Variants in STAM observed in about 807,000 individuals in gnomAD.
The protein encoded by STAM is signal transducing adapter molecule 1.
STAM carries 16 observed loss-of-function variants against 63.4 expected under a neutral mutation model. The ratio of observed to expected loss-of-function variants is 0.25; its 90% confidence interval spans 0.17 to 0.38. STAM has a LOEUF of 0.38. Ranked by LOEUF, STAM falls within the 10% of genes least tolerant of loss-of-function variation. STAM has a pLI of 1.00. For synonymous variants in STAM, 238 were observed against 223.9 expected (o/e 1.06, Z -0.56); for missense variants, 636 against 657.1 (o/e 0.97, Z 0.35).
At chr10:17,688,002 T>C (rs1835364415) in intron 4 of STAM, 25 bp from the exon 5 acceptor site, 2 of 1,540,286 alleles carry the variant, frequency 1.3e-6, no homozygotes, top group Non-Finnish European at 1.7e-6. Context: ...ATTGGTGCTC[T>C]TTTATTTCTT....
At chr10:17,684,543 A>C in intron 2 of STAM, 132 bp from the exon 3 acceptor site, 1 of 593,400 alleles carries the variant, frequency 1.7e-6, no homozygotes, top group Non-Finnish European at 2.7e-6. Context: ...CAACCGTGTT[A>C]TTAATAAAAA....
intron 2 of STAM, among the ~76,000 whole-genome samples, chr10:17,672,319 C>T (rs1350170176): frequency 6.6e-6 from 1 of 152,200 alleles, no homozygotes; most frequent in Non-Finnish European, 1.5e-5. Flanking sequence ...TTTGAAATTT[C>T]ACTTTTCTTG....
chr10:17,676,415 C>G (rs1193816008), intron 2 of STAM, among the ~76,000 whole-genome samples: 3 of 152,124 alleles, frequency 2.0e-5, no homozygotes, highest in African/African-American at 7.2e-5. Flanking sequence ...GAATTTGATG[C>G]TTTCAGTTCA....
chr10:17,653,665 C>T (rs1477528523), intron 1 of STAM, among the ~76,000 whole-genome samples: 1 of 152,116 alleles, frequency 6.6e-6, no homozygotes, highest in African/African-American at 2.4e-5. Flanking sequence ...TCATTATGCC[C>T]TATACAGTAT....
At chr10:17,702,655 G>A (rs1376867404) in intron 9 of STAM, among the ~76,000 whole-genome samples, 5 of 152,180 alleles carry the variant, frequency 3.3e-5, no homozygotes, top group African/African-American at 1.2e-4. Flanking sequence ...GTGGAAGACT[G>A]TGCTAAGGGC....
chr10:17,673,119 G>C (rs182059111), intron 2 of STAM: 1 of 800,136 alleles, frequency 1.2e-6, no homozygotes, highest in Admixed American at 6.2e-5. Flanking sequence ...CTAAGTGCAC[G>C]TGCAGATTTT....
At chr10:17,652,371 T>C (rs1458974154) in intron 1 of STAM, among the ~76,000 whole-genome samples, 3 of 152,198 alleles carry the variant, frequency 2.0e-5, no homozygotes, top group Non-Finnish European at 4.4e-5. Context: ...GTGTTTCTGA[T>C]CCATCCATAC....
At chr10:17,700,412 A>C in intron 9 of STAM, 133 bp downstream of exon 9, 1 of 605,826 alleles carries the variant, frequency 1.7e-6, no homozygotes, top group Non-Finnish European at 2.7e-6. Flanking sequence ...AATTCAAGCA[A>C]TATAGACGAT....
intron 4 of STAM, among the ~76,000 whole-genome samples, chr10:17,686,127 T>C (rs543749877): frequency 1.1e-4 from 17 of 152,350 alleles, no homozygotes; most frequent in African/African-American, 4.1e-4. Context: ...ATGCAGTTAA[T>C]ATTTATTTTC....
chr10:17,684,796 A>C, intron 3 of STAM, 36 bp from the exon 4 acceptor site: 1 of 1,613,624 alleles, frequency 6.2e-7, no homozygotes, highest in South Asian at 1.1e-5. Flanking sequence ...ACCTGCCACA[A>C]TTGAGCCCCT....
intron 9 of STAM, among the ~76,000 whole-genome samples, chr10:17,700,681 G>T (rs147826707): frequency 2.6e-4 from 40 of 151,336 alleles, no homozygotes; most frequent in African/African-American, 9.2e-4. Flanking sequence ...TATTTTCCAT[G>T]TTAATAGATA....
At chr10:17,712,086 C>CGGTGGAACTGTAAATT (rs1264212916) in intron 13 of STAM, among the ~76,000 whole-genome samples, 11 of 152,128 alleles carry the variant, frequency 7.2e-5, no homozygotes, top group Non-Finnish European at 1.3e-4. Context: ...ACTGGGTGGA[C>CGGTGGAACTGTAAATT]GGTGGAACTG....
chr10:17,667,738 G>A (rs1472563300), intron 2 of STAM, among the ~76,000 whole-genome samples: 16 of 152,240 alleles, frequency 1.1e-4, no homozygotes, highest in Non-Finnish European at 1.8e-4. Context: ...ACTGGTATGA[G>A]GGGGTTACGT....
chr10:17,701,427 G>T (rs1288527001), intron 9 of STAM, among the ~76,000 whole-genome samples: 1 of 152,184 alleles, frequency 6.6e-6, no homozygotes, highest in Non-Finnish European at 1.5e-5. Flanking sequence ...TAGATCAGGA[G>T]TTGGCAAACT....
intron 9 of STAM, among the ~76,000 whole-genome samples, chr10:17,701,690 C>T (rs1193945701): frequency 5.9e-5 from 9 of 152,194 alleles, no homozygotes; most frequent in Non-Finnish European, 7.4e-5. Context: ...TTGATCTGCC[C>T]GAGAACATTC....
chr10:17,657,204 T>C (rs1554822255), intron 1 of STAM, among the ~76,000 whole-genome samples: 1 of 152,162 alleles, frequency 6.6e-6, no homozygotes. Context: ...CATTTAACAC[T>C]TTAATGTTTA....
At chr10:17,682,406 C>A in intron 2 of STAM, among the ~76,000 whole-genome samples, 1 of 152,114 alleles carries the variant, frequency 6.6e-6, no homozygotes, top group Non-Finnish European at 1.5e-5. Flanking sequence ...GGTTTTGACT[C>A]TGAACAGAGC....
rs566727010 is a variant in STAM at position 17,715,775 on chromosome 10, C to T, written c.*995C>T. The T allele has an allele frequency of 2.0e-5, 3 of 152,700 alleles. No homozygotes were observed. In the South Asian group the frequency reaches 6.2e-4, roughly 32 times the overall value. 9.5% of individuals were successfully genotyped at this position (152,700 alleles called of 1,614,324 possible). ...CTGAATTACACTACATTTTCGAAGTCTCTTGTAATTATTTGGGATATCAAC... is the reference window on the plus strand; with the variant it reads ...CTGAATTACACTACATTTTCGAAGTTTCTTGTAATTATTTGGGATATCAAC... On this transcript the variant is annotated 3_prime_UTR_variant, in exon 14 of 14. Coordinates refer to ENST00000377524, the MANE Select transcript of STAM (RefSeq NM_003473.4).
intron 1 of STAM, among the ~76,000 whole-genome samples, chr10:17,649,702 C>T (rs1258209791): frequency 6.6e-6 from 1 of 152,164 alleles, no homozygotes; most frequent in African/African-American, 2.4e-5. Flanking sequence ...ACAAATTCAT[C>T]TGTCAGAAAA....
Sources: allele counts gnomAD v4.1 joint callset (sites outside exome capture counted in the v4.1 genomes callset), GRCh38; gene constraint gnomAD v4.1.1; transcripts MANE v1.5; gene names NCBI Gene and HGNC (gene_info 2026-07-23, HGNC 2026-07-21).